Variants in ITSN2 observed in about 807,000 individuals in gnomAD.
ITSN2 encodes intersectin-2.
Under a neutral mutation model 243.7 loss-of-function variants are expected in ITSN2, and 156 were observed. That is an observed-to-expected ratio of 0.64 (90% CI 0.56 to 0.73). The LOEUF is 0.73. Among genes scored for constraint, ITSN2 ranks in the 30% least tolerant of loss-of-function variants. The pLI is 0.00. For synonymous variants in ITSN2, 703 were observed against 699.9 expected, an observed-to-expected ratio of 1.00 and a Z score of -0.07; for missense variants, 1,801 against 1,996.1, an observed-to-expected ratio of 0.90 and a Z score of 1.86.
intron 29 of ITSN2, among the ~76,000 whole-genome samples, chr2:24,242,556 ATAT>A (rs1672849827): frequency 6.6e-6 from 1 of 152,218 alleles, no homozygotes; most frequent in Non-Finnish European, 1.5e-5. Context: ...TTATAGGTTT[ATAT>A]AAACAATGTG....
intron 1 of ITSN2, among the ~76,000 whole-genome samples, chr2:24,352,773 T>C (rs969104177): frequency 1.8e-4 from 28 of 152,318 alleles, no homozygotes; most frequent in Admixed American, 1.3e-3. Context: ...TTTTGAAGAA[T>C]AGTCAACAAC....
chr2:24,211,584 T>A lies in ITSN2; in HGVS notation c.4090-637A>T, dbSNP rs1669500633. On this transcript the variant is annotated intron_variant, in intron 33 of 39. Transcript: ENST00000355123. This position sits in a 1 kb window ranked among gnomAD's most constrained non-coding sequence, Gnocchi z 4.1. ...ATCACCAGATGCCCCGTCTGGACTCTCTCACTCTAGTCAGATGAGTGCACA... is the reference window on the plus strand; with the variant it reads ...ATCACCAGATGCCCCGTCTGGACTCACTCACTCTAGTCAGATGAGTGCACA... Among the ~76,000 whole-genome samples, 1 of 152,202 alleles carries A rather than the reference T, an allele frequency of 6.6e-6. No individual in the cohort carries two copies. The highest frequency in any genetic ancestry group is 2.4e-5 in the African/African-American group (1 of 41,432).
chr2:24,303,935 C>G, intron 8 of ITSN2, 73 bp from the exon 9 acceptor site: 5 of 1,031,272 alleles, frequency 4.8e-6, no homozygotes, highest in Non-Finnish European at 7.7e-6. Context: ...TTAGCTGTAT[C>G]TGTAAAATAA....
intron 7 of ITSN2, 73 bp from the exon 8 acceptor site, chr2:24,308,829 G>T: frequency 2.2e-6 from 2 of 928,046 alleles, no homozygotes. Flanking sequence ...TAAGACCAAG[G>T]CATTAAGAAT....
At position 24,210,806 on chromosome 2, in the gene ITSN2, G is replaced by A. The variant is rs776358901; in HGVS notation, c.4231C>T (p.His1411Tyr). ...NSDRLEWIQA[H>Y]VQCEGLAEQL... ...TCCGCGAGGCCTTCACACTGCACGT[G>A]CGCCTGGATCCACTCCAGTCGGTCC... Residue 1411 changes from histidine (H) to tyrosine (Y), a missense_variant, in exon 34 of 40, where the codon CAC (histidine) becomes TAC (tyrosine). Around this residue, in one of 5 missense-constraint regions of ITSN2, gnomAD observed 928 missense variants for 1,065.4 expected, o/e 0.87. Transcript: ENST00000355123. 3 of 1,613,940 alleles carry A rather than the reference G, an allele frequency of 1.9e-6. No individual in the cohort carries two copies. Among genetic ancestry groups the A allele is most frequent in the South Asian group, 1.1e-5 (1 of 91,080 alleles).
rs879419119 is a variant in ITSN2, at chr2:24,218,131, T to C, written c.3700-118A>G. 9.4e-6 allele frequency: 6 copies of C among 640,368 alleles called. 1 individual carries two copies. Among genetic ancestry groups the C allele is most frequent in the Non-Finnish European group, 1.4e-5 (5 of 361,584 alleles). The allele number at this position is 640,368 out of a possible 1,614,324, so 39.7% of individuals were successfully genotyped here. A position where few individuals can be genotyped will look rare whatever the true frequency, so the allele number is the denominator to read the frequency against. On this transcript the variant is annotated intron_variant, in intron 30 of 39. Coordinates refer to ENST00000355123, the MANE Select transcript of ITSN2 (RefSeq NM_006277.3). ...CTAATCAGATCAAATAATGTCAACATAAACTGAAGCTAATCATCCAAATAA... is the reference window on the plus strand; with the variant it reads ...CTAATCAGATCAAATAATGTCAACACAAACTGAAGCTAATCATCCAAATAA...
rs536241739 is a variant in ITSN2, at chr2:24,203,849, C to T, written c.4937-66G>A. ...TATAAAATCATTAAAGAGCTACATCCGGAAGAAGTGGATTCATAAAACCTT... is the reference window on the plus strand; with the variant it reads ...TATAAAATCATTAAAGAGCTACATCTGGAAGAAGTGGATTCATAAAACCTT... On this transcript the variant is annotated intron_variant, in intron 39 of 39. Transcript: ENST00000355123. The T allele has an allele frequency of 5.8e-4, 862 of 1,486,210 alleles. 1 individual carries two copies. Among genetic ancestry groups the T allele is most frequent in the Non-Finnish European group, 7.4e-4 (806 of 1,092,916 alleles). 92.1% of individuals were successfully genotyped at this position (1,486,210 alleles called of 1,614,324 possible). A position where few individuals can be genotyped will look rare whatever the true frequency, so the allele number is the denominator to read the frequency against.
At chr2:24,220,092 G>C (rs960369426) in intron 30 of ITSN2, among the ~76,000 whole-genome samples, 1 of 152,180 alleles carries the variant, frequency 6.6e-6, no homozygotes, top group South Asian at 2.1e-4. Flanking sequence ...TTAGGCCTGC[G>C]TTTAAGGTGG....
chr2:24,349,958 A>G (rs986331381), intron 1 of ITSN2, among the ~76,000 whole-genome samples: 2 of 152,236 alleles, frequency 1.3e-5, no homozygotes, highest in Non-Finnish European at 2.9e-5. Context: ...GTGGGCATGC[A>G]TAGTACTAAT....
At chr2:24,323,410 A>C (rs1181051001) in intron 2 of ITSN2, among the ~76,000 whole-genome samples, 1 of 152,232 alleles carries the variant, frequency 6.6e-6, no homozygotes, top group East Asian at 1.9e-4. Context: ...AGTAAACAGG[A>C]GAAATGCATG....
At chr2:24,296,349 A>G (rs1317734359) in intron 13 of ITSN2, among the ~76,000 whole-genome samples, 4 of 152,172 alleles carry the variant, frequency 2.6e-5, no homozygotes, top group African/African-American at 9.7e-5. Context: ...GGGACCTAAG[A>G]AGAAGGGTGA....
At chr2:24,326,707 A>G (rs1337313337) in intron 2 of ITSN2, 1 of 169,084 alleles carries the variant, frequency 5.9e-6, no homozygotes, top group Non-Finnish European at 1.5e-5. Flanking sequence ...ACGAAACAAC[A>G]AAATCTTTAC....
chr2:24,248,532 T>A, intron 27 of ITSN2, 97 bp downstream of exon 27: 1 of 956,308 alleles, frequency 1.0e-6, no homozygotes, highest in Non-Finnish European at 1.5e-6. Flanking sequence ...GTGGAATGAT[T>A]ATGGGTGATC....
intron 24 of ITSN2, 126 bp downstream of exon 24, chr2:24,254,241 T>C: frequency 1.5e-6 from 1 of 665,730 alleles, no homozygotes. Context: ...AATCTCACTT[T>C]AATACTGCAG....
chr2:24,298,534 G>T (rs1574208499), intron 13 of ITSN2, 131 bp downstream of exon 13: 2 of 731,980 alleles, frequency 2.7e-6, no homozygotes, highest in South Asian at 2.2e-5. Context: ...TGCCCCAGTT[G>T]ATCTGCCTGC....
chr2:24,301,476 C>G (rs1206707271), intron 10 of ITSN2, among the ~76,000 whole-genome samples: 1 of 151,478 alleles, frequency 6.6e-6, no homozygotes, highest in African/African-American at 2.4e-5. Flanking sequence ...TTCTTTATCT[C>G]TTTAGTCATT....
chr2:24,212,360 C>T (rs754984229), intron 33 of ITSN2, among the ~76,000 whole-genome samples: 12 of 152,252 alleles, frequency 7.9e-5, no homozygotes, highest in Non-Finnish European at 1.8e-4. Context: ...CCTGCCTGGA[C>T]AAGTATACTT....
At chr2:24,212,625 C>T in intron 33 of ITSN2, 25 bp downstream of exon 33, 1 of 1,568,910 alleles carries the variant, frequency 6.4e-7, no homozygotes, top group South Asian at 1.2e-5. Flanking sequence ...TAACTCAGAC[C>T]CCACTGCCCG....
At chr2:24,296,292 TC>T (rs1173022367) in intron 13 of ITSN2, among the ~76,000 whole-genome samples, 1 of 152,180 alleles carries the variant, frequency 6.6e-6, no homozygotes, top group Non-Finnish European at 1.5e-5. Context: ...TCTCCTTTTT[TC>T]CTCTTCTTCT....
Sources: gnomAD v4.1 joint callset for allele counts (sites outside exome capture counted in the v4.1 genomes callset) on GRCh38, gnomAD v4.1.1 for gene constraint, gnomAD v4.1.1 regional missense constraint, Gnocchi (gnomAD v3.1) non-coding constraint, MANE v1.5 for transcripts, NCBI Gene and HGNC (gene_info 2026-07-23, HGNC 2026-07-21) for gene names.